The following RCAN2 variants were observed in gnomAD, a reference collection of about 807,000 sequenced individuals.
The protein encoded by RCAN2 is regulator of calcineurin 2.
Under a neutral mutation model 23.6 loss-of-function variants are expected in RCAN2, and 9 were observed. The observed-to-expected ratio is 0.38, with a 90% CI of 0.23 to 0.67. The LOEUF is 0.67. Among genes scored for constraint, RCAN2 ranks in the 30% least tolerant of loss-of-function variants. The probability of loss-of-function intolerance (pLI) is 0.51; values close to 1 mark genes in which losing one functional copy is unlikely to be tolerated. For synonymous variants in RCAN2, 109 were observed against 115.7 expected (o/e 0.94, Z 0.37); for missense variants, 273 against 302.3 (o/e 0.90, Z 0.72).
intron 1 of RCAN2, among the ~76,000 whole-genome samples, chr6:46,467,041 G>A (rs1224806600): frequency 2.6e-5 from 4 of 152,104 alleles, no homozygotes; most frequent in African/African-American, 9.7e-5. Flanking sequence ...CACTAGATGA[G>A]ATTCCCCAGT....
intron 2 of RCAN2, among the ~76,000 whole-genome samples, chr6:46,409,680 C>A (rs1766495934): frequency 6.6e-6 from 1 of 152,210 alleles, no homozygotes; most frequent in South Asian, 2.1e-4. Flanking sequence ...ACTATGCCAA[C>A]ATTTTACTAT....
chr6:46,397,829 C>T (rs1327426718), intron 2 of RCAN2, among the ~76,000 whole-genome samples: 1 of 152,180 alleles, frequency 6.6e-6, no homozygotes, highest in Non-Finnish European at 1.5e-5. Context: ...TTCATTTTAA[C>T]ATGTTTGATT....
chr6:46,415,472 A>C (rs900267938), intron 2 of RCAN2, among the ~76,000 whole-genome samples: 1 of 152,222 alleles, frequency 6.6e-6, no homozygotes, highest in Non-Finnish European at 1.5e-5. Flanking sequence ...ACCTGTGAGC[A>C]TTCAGGCCTC....
intron 1 of RCAN2, among the ~76,000 whole-genome samples, chr6:46,485,664 G>C (rs917752112): frequency 3.3e-5 from 5 of 152,126 alleles, no homozygotes; most frequent in Non-Finnish European, 1.5e-5. Flanking sequence ...AAACCCTGAT[G>C]ATGACTCCTT....
At chr6:46,378,793 A>G (rs1479445356) in intron 2 of RCAN2, among the ~76,000 whole-genome samples, 2 of 152,236 alleles carry the variant, frequency 1.3e-5, no homozygotes, top group Non-Finnish European at 2.9e-5. Flanking sequence ...CACTAAACCC[A>G]GAACAGAAGT....
intron 2 of RCAN2, among the ~76,000 whole-genome samples, chr6:46,276,344 T>C (rs1653831388): frequency 6.6e-6 from 1 of 152,182 alleles, no homozygotes; most frequent in Non-Finnish European, 1.5e-5. Flanking sequence ...GTGCCCATCA[T>C]AGAGTATACT....
At chr6:46,480,485 C>T (rs987663272) in intron 1 of RCAN2, among the ~76,000 whole-genome samples, 3 of 152,166 alleles carry the variant, frequency 2.0e-5, no homozygotes, top group Non-Finnish European at 4.4e-5. Flanking sequence ...AATACATCTG[C>T]CTATAAAAAA....
chr6:46,389,893 C>T (rs9688808), intron 2 of RCAN2, among the ~76,000 whole-genome samples: 2,325 of 152,104 alleles, frequency 0.015, 63 homozygotes, highest in African/African-American at 0.054. Flanking sequence ...TAAAGGAAGG[C>T]TGACAAAATT....
intron 2 of RCAN2, among the ~76,000 whole-genome samples, chr6:46,393,853 C>T (rs1265910552): frequency 3.9e-5 from 6 of 152,088 alleles, no homozygotes; most frequent in East Asian, 1.9e-4. Context: ...TGACCTCCTC[C>T]GGGCCCTGTC....
intron 2 of RCAN2, among the ~76,000 whole-genome samples, chr6:46,375,504 A>C (rs1295683616): frequency 1.3e-5 from 2 of 152,196 alleles, no homozygotes; most frequent in African/African-American, 4.8e-5. Flanking sequence ...CCAAAAGATC[A>C]ACAAGCTTTT....
chr6:46,393,093 G>T (rs185272158), intron 2 of RCAN2, among the ~76,000 whole-genome samples: 1 of 152,032 alleles, frequency 6.6e-6, no homozygotes, highest in Non-Finnish European at 1.5e-5. Flanking sequence ...TTAAAATTTC[G>T]CAACAGACCA....
chr6:46,267,666 C>A (rs1456697184), intron 2 of RCAN2, among the ~76,000 whole-genome samples: 2 of 152,082 alleles, frequency 1.3e-5, no homozygotes, highest in African/African-American at 4.8e-5. Flanking sequence ...CAGAGTGAGA[C>A]CTTGTGTAAA....
chr6:46,426,050 C>G (rs962228902), intron 2 of RCAN2, among the ~76,000 whole-genome samples: 8 of 151,978 alleles, frequency 5.3e-5, no homozygotes, highest in Non-Finnish European at 1.2e-4. Context: ...AGGTGCCCAC[C>G]ACCATGCCCA....
chr6:46,349,133 A>C (rs902992361), intron 2 of RCAN2, among the ~76,000 whole-genome samples: 4 of 152,206 alleles, frequency 2.6e-5, no homozygotes, highest in African/African-American at 7.2e-5. Flanking sequence ...ATTATAACTT[A>C]CTTGTTTCAC....
intron 2 of RCAN2, among the ~76,000 whole-genome samples, chr6:46,260,143 A>T (rs1426421410): frequency 6.6e-6 from 1 of 152,182 alleles, no homozygotes; most frequent in Non-Finnish European, 1.5e-5. Context: ...TGAAAAGCTG[A>T]AAGTTCTAAC....
intron 2 of RCAN2, among the ~76,000 whole-genome samples, chr6:46,267,860 T>C (rs1582047671): frequency 6.6e-6 from 1 of 152,238 alleles, no homozygotes; most frequent in Non-Finnish European, 1.5e-5. Context: ...AATCAGAAGA[T>C]GTTATAATAC....
chr6:46,248,954 G>C, intron 2 of RCAN2, 58 bp from the exon 3 acceptor site: 1 of 1,243,394 alleles, frequency 8.0e-7, no homozygotes, highest in Non-Finnish European at 1.1e-6. Flanking sequence ...CTCGTATGAT[G>C]TCATATCTGA....
At chr6:46,403,566 C>A (rs1367910943) in intron 2 of RCAN2, among the ~76,000 whole-genome samples, 1 of 128,098 alleles carries the variant, frequency 7.8e-6, no homozygotes, top group Non-Finnish European at 1.7e-5. Context: ...GAGCGAAACT[C>A]CGTATCAAAA....
At chr6:46,463,027 A>T (rs1022897269) in intron 1 of RCAN2, among the ~76,000 whole-genome samples, 1 of 152,198 alleles carries the variant, frequency 6.6e-6, no homozygotes, top group Non-Finnish European at 1.5e-5. Context: ...ATTCATGGAG[A>T]TGCTTATAAT....
Sources: allele counts gnomAD v4.1 joint callset (sites outside exome capture counted in the v4.1 genomes callset), GRCh38; gene constraint gnomAD v4.1.1; transcripts MANE v1.5; gene names NCBI Gene and HGNC (gene_info 2026-07-23, HGNC 2026-07-21).